EMSY: variants seen among roughly 807,000 people sequenced by gnomAD.
EMSY encodes BRCA2-interacting transcriptional repressor EMSY.
In EMSY, 26 loss-of-function variants were observed where a neutral mutation model predicts 134.6. The ratio of observed to expected loss-of-function variants is 0.19; its 90% CI spans 0.14 to 0.27. EMSY has a LOEUF of 0.27. Ranked by LOEUF, EMSY falls within the 10% of genes least tolerant of loss-of-function variation. The pLI is 1.00. For synonymous variants in EMSY, 579 were observed against 577.8 expected, an observed-to-expected ratio of 1.00 and a Z score of -0.03; for missense variants, 1,305 against 1,611.4, an observed-to-expected ratio of 0.81 and a Z score of 3.26.
chr11:76,475,690 T>C (rs539483882), intron 8 of EMSY, among the ~76,000 whole-genome samples: 13 of 152,370 alleles, frequency 8.5e-5, no homozygotes, highest in Non-Finnish European at 1.8e-4. Flanking sequence ...AATTTTATTT[T>C]TTTTAAACAA....
intron 14 of EMSY, among the ~76,000 whole-genome samples, chr11:76,530,155 GTTTTTTTTTTTT>G (rs61227279): frequency 5.2e-5 from 6 of 114,350 alleles, no homozygotes; most frequent in African/African-American, 2.1e-4. Context: ...AATCTTTAGG[GTTTTTTTTTTTT>G]TTTTTTTTGG....
chr11:76,545,785 A>G lies in EMSY; in HGVS notation c.3274-12A>G, dbSNP rs754547593. On this transcript the variant is annotated splice_polypyrimidine_tract_variant and intron_variant, in intron 19 of 20. Coordinates refer to ENST00000334736, the Ensembl canonical transcript of EMSY. The stretch of plus-strand genomic sequence containing the variant: ...TGTAGCTATAACACACACAACCCCA[A>G]TTTATTTTCAGGTGGAGCAGCCAAT... 1.9e-6 allele frequency: 3 copies of G among 1,589,280 alleles called. No individual in the cohort carries two copies. The highest frequency in any genetic ancestry group is 1.2e-5 in the South Asian group (1 of 86,114).
downstream of EMSY, chr11:76,552,584 A>G (rs1014331899): frequency 1.3e-5 from 2 of 152,232 alleles, no homozygotes; most frequent in African/African-American, 4.8e-5. Context: ...GTAAACTTTA[A>G]TAAGTGCCTA....
chr11:76,532,773 T>C (rs945461627), intron 14 of EMSY, among the ~76,000 whole-genome samples: 10 of 152,152 alleles, frequency 6.6e-5, no homozygotes, highest in Non-Finnish European at 1.3e-4. Context: ...AATACAAAAA[T>C]GTATCTTGTA....
intron 8 of EMSY, among the ~76,000 whole-genome samples, chr11:76,479,747 CA>C (rs1948897794): frequency 6.6e-6 from 1 of 152,116 alleles, no homozygotes; most frequent in South Asian, 2.1e-4. Flanking sequence ...CCTGAAGAAA[CA>C]AAAGGATAAG....
At chr11:76,471,850 T>G (rs979650848) in intron 7 of EMSY, among the ~76,000 whole-genome samples, 2 of 152,326 alleles carry the variant, frequency 1.3e-5, no homozygotes, top group East Asian at 3.9e-4. Context: ...CTTTGAAGTT[T>G]CTTGAACATA....
intron 8 of EMSY, among the ~76,000 whole-genome samples, chr11:76,482,947 T>A (rs527839036): frequency 6.6e-6 from 1 of 152,106 alleles, no homozygotes; most frequent in East Asian, 1.9e-4. Flanking sequence ...AGACACATAA[T>A]CGTCAGATTC....
intron 20 of EMSY, among the ~76,000 whole-genome samples, chr11:76,546,646 T>G (rs1951665047): frequency 1.3e-5 from 2 of 152,156 alleles, no homozygotes; most frequent in Admixed American, 1.3e-4. Context: ...GGTTCAAATT[T>G]TGTACTCCTC....
intron 8 of EMSY, among the ~76,000 whole-genome samples, chr11:76,494,925 G>A (rs979164865): frequency 2.0e-5 from 3 of 152,004 alleles, no homozygotes; most frequent in South Asian, 2.1e-4. Context: ...TAGTAGAGAT[G>A]GGGTTTCACT....
chr11:76,476,342 T>A (rs1948769068), intron 8 of EMSY, among the ~76,000 whole-genome samples: 1 of 152,232 alleles, frequency 6.6e-6, no homozygotes, highest in African/African-American at 2.4e-5. Flanking sequence ...TTGATAATCT[T>A]TGCCTAGATC....
intron 8 of EMSY, among the ~76,000 whole-genome samples, chr11:76,494,459 C>A (rs573807172): frequency 6.6e-6 from 1 of 152,256 alleles, no homozygotes; most frequent in South Asian, 2.1e-4. Flanking sequence ...ACTTTATACT[C>A]ATTGAGTCAT....
At chr11:76,541,893 A>G (rs992348013) in intron 17 of EMSY, among the ~76,000 whole-genome samples, 14 of 152,216 alleles carry the variant, frequency 9.2e-5, no homozygotes, top group African/African-American at 3.1e-4. Context: ...AGTACAGCTC[A>G]TGGGAGGATG....
intron 1 of EMSY, among the ~76,000 whole-genome samples, chr11:76,446,505 C>A (rs1947416943): frequency 1.3e-5 from 2 of 152,020 alleles, no homozygotes; most frequent in African/African-American, 4.8e-5. Context: ...AGTCAACTTG[C>A]CCCAGGTTGG....
chr11:76,484,436 C>T (rs1949101197), intron 8 of EMSY, among the ~76,000 whole-genome samples: 1 of 152,042 alleles, frequency 6.6e-6, no homozygotes, highest in Non-Finnish European at 1.5e-5. Context: ...TACGAAAAAC[C>T]CTTCAAAAAA....
intron 5 of EMSY, chr11:76,459,101 A>G (rs1307361255): frequency 1.3e-5 from 2 of 152,234 alleles, no homozygotes; most frequent in East Asian, 3.8e-4. Context: ...TTGGAGGAAG[A>G]CAGTGTATAA....
intron 14 of EMSY, among the ~76,000 whole-genome samples, chr11:76,535,237 A>C (rs1049738464): frequency 7.2e-5 from 11 of 152,178 alleles, no homozygotes; most frequent in African/African-American, 2.4e-4. Context: ...TAAGACCCAA[A>C]GAATCAACTT....
At chr11:76,495,295 C>T (rs1259664466) in intron 8 of EMSY, among the ~76,000 whole-genome samples, 1 of 152,140 alleles carries the variant, frequency 6.6e-6, no homozygotes, top group African/African-American at 2.4e-5. Flanking sequence ...GAAAAAACAT[C>T]CTAAGTACTT....
At chr11:76,455,701 A>T (rs1416562292) in intron 4 of EMSY, among the ~76,000 whole-genome samples, 1 of 152,202 alleles carries the variant, frequency 6.6e-6, no homozygotes, top group Non-Finnish European at 1.5e-5. Flanking sequence ...TTGTGGCTTG[A>T]AACATAACAC....
intron 11 of EMSY, among the ~76,000 whole-genome samples, chr11:76,522,424 G>A (rs1230564448): frequency 7.5e-6 from 1 of 134,062 alleles, no homozygotes; most frequent in Non-Finnish European, 1.5e-5. Flanking sequence ...ATGGAGTGCA[G>A]TGGCGCAATC....
Sources: gnomAD v4.1 joint callset for allele counts (sites outside exome capture counted in the v4.1 genomes callset) on GRCh38, gnomAD v4.1.1 for gene constraint, MANE v1.5 for transcripts, NCBI Gene and HGNC (gene_info 2026-07-23, HGNC 2026-07-21) for gene names.